Variants in CRADD observed in about 807,000 individuals in gnomAD.
The protein encoded by CRADD is death domain-containing protein CRADD.
In CRADD, 9 loss-of-function variants were observed where a neutral mutation model predicts 15.5. That is an observed-to-expected ratio of 0.58 (90% CI 0.35 to 1.01). CRADD has a LOEUF of 1.01. CRADD is among the 50% of genes least tolerant of loss of function. The pLI, the probability that CRADD is intolerant of heterozygous loss-of-function variation, is 0.02. For missense variants in CRADD, 227 were observed against 250.3 expected, an observed-to-expected ratio of 0.91 and a Z score of 0.63; for synonymous variants, 118 against 107.6, an observed-to-expected ratio of 1.10 and a Z score of -0.60.
At chr12:93,872,423 T>A (rs1165003512) in intron 2 of CRADD, among the ~76,000 whole-genome samples, 3 of 152,206 alleles carry the variant, frequency 2.0e-5, no homozygotes, top group Non-Finnish European at 1.5e-5. Flanking sequence ...GTATCATTTG[T>A]ACCTGTTTAC....
intron 2 of CRADD, among the ~76,000 whole-genome samples, chr12:93,797,114 GA>G (rs1957426984): frequency 6.6e-6 from 1 of 152,202 alleles, no homozygotes. Flanking sequence ...AAAACACTTT[GA>G]TGAGTGCTTG....
At chr12:93,732,921 G>A (rs1056510856) in intron 2 of CRADD, among the ~76,000 whole-genome samples, 3 of 152,190 alleles carry the variant, frequency 2.0e-5, no homozygotes, top group African/African-American at 7.2e-5. Context: ...TGGAAAGAAT[G>A]CACACTGTCT....
chr12:93,732,240 A>G (rs1956479696), intron 2 of CRADD, among the ~76,000 whole-genome samples: 1 of 152,166 alleles, frequency 6.6e-6, no homozygotes, highest in South Asian at 2.1e-4. Flanking sequence ...CCATCAAAGA[A>G]CATTATTTAA....
At chr12:93,819,268 G>T (rs1332555575) in intron 2 of CRADD, among the ~76,000 whole-genome samples, 1 of 152,182 alleles carries the variant, frequency 6.6e-6, no homozygotes, top group African/African-American at 2.4e-5. Flanking sequence ...TCATACACAT[G>T]GTCCAAGCCA....
chr12:93,780,168 G>A (rs1957188169), intron 2 of CRADD, among the ~76,000 whole-genome samples: 1 of 151,536 alleles, frequency 6.6e-6, no homozygotes, highest in Non-Finnish European at 1.5e-5. Context: ...AAAATATGAC[G>A]AAAAACAGAC....
At chr12:93,769,322 G>A (rs140677293) in intron 2 of CRADD, among the ~76,000 whole-genome samples, 2 of 152,192 alleles carry the variant, frequency 1.3e-5, no homozygotes, top group African/African-American at 4.8e-5. Flanking sequence ...GGGCTCAAGT[G>A]ATCCACTCGC....
intron 2 of CRADD, among the ~76,000 whole-genome samples, chr12:93,700,784 TTGCC>T (rs2136834910): frequency 6.6e-6 from 1 of 152,226 alleles, no homozygotes; most frequent in African/African-American, 2.4e-5. Context: ...GATTTTTGTT[TTGCC>T]TGAGTGTCTT....
chr12:93,779,531 TAAAA>T (rs1957177076), intron 2 of CRADD, among the ~76,000 whole-genome samples: 1 of 149,484 alleles, frequency 6.7e-6, no homozygotes, highest in South Asian at 2.1e-4. Context: ...AATAGAGAAA[TAAAA>T]AGAAAGTTTC....
intron 2 of CRADD, among the ~76,000 whole-genome samples, chr12:93,698,991 A>G (rs1046257597): frequency 2.2e-4 from 34 of 152,296 alleles, no homozygotes; most frequent in African/African-American, 7.9e-4. Flanking sequence ...CTGGCCCTTT[A>G]CAGAAAAAGC....
chr12:93,725,949 A>C (rs1008800497), intron 2 of CRADD, among the ~76,000 whole-genome samples: 2 of 152,184 alleles, frequency 1.3e-5, no homozygotes, highest in Admixed American at 6.5e-5. Flanking sequence ...AAGCTAGTAC[A>C]TCGTGGGGCT....
At chr12:93,828,818 AT>A (rs1957856090) in intron 2 of CRADD, among the ~76,000 whole-genome samples, 2 of 152,132 alleles carry the variant, frequency 1.3e-5, no homozygotes, top group African/African-American at 2.4e-5. Flanking sequence ...AGGTCTTCAC[AT>A]TTCTTTATAA....
At chr12:93,757,944 T>C (rs1956909564) in intron 2 of CRADD, among the ~76,000 whole-genome samples, 1 of 152,136 alleles carries the variant, frequency 6.6e-6, no homozygotes, top group Non-Finnish European at 1.5e-5. Context: ...AGGGTGGCAG[T>C]GGTGCAGATA....
intron 2 of CRADD, among the ~76,000 whole-genome samples, chr12:93,752,920 C>A (rs1399050428): frequency 6.6e-6 from 1 of 152,200 alleles, no homozygotes; most frequent in Admixed American, 6.5e-5. Flanking sequence ...TGGTGGCAGA[C>A]AAGAGAAGAG....
chr12:93,876,565 A>C (rs59517730), intron 2 of CRADD, among the ~76,000 whole-genome samples: 2,997 of 152,078 alleles, frequency 0.02, 102 homozygotes, highest in African/African-American at 0.067. Context: ...CTTCAGCCTC[A>C]CCAATTCTTT....
At chr12:93,747,745 C>T (rs565217319) in intron 2 of CRADD, among the ~76,000 whole-genome samples, 99 of 152,278 alleles carry the variant, frequency 6.5e-4, no homozygotes, top group African/African-American at 2.1e-3. Context: ...GGATTACAGG[C>T]GTGAGCCACC....
intron 2 of CRADD, among the ~76,000 whole-genome samples, chr12:93,864,722 A>G (rs1001631509): frequency 1.3e-5 from 2 of 152,214 alleles, no homozygotes; most frequent in South Asian, 4.1e-4. Flanking sequence ...CAGTGAATGA[A>G]GGAAACACAA....
chr12:93,729,110 C>T (rs575310396), intron 2 of CRADD, among the ~76,000 whole-genome samples: 1 of 152,258 alleles, frequency 6.6e-6, no homozygotes, highest in South Asian at 2.1e-4. Flanking sequence ...CAGAAATAGC[C>T]TCACATTAGC....
At chr12:93,770,501 G>T (rs1319005975) in intron 2 of CRADD, among the ~76,000 whole-genome samples, 1 of 152,178 alleles carries the variant, frequency 6.6e-6, no homozygotes, top group African/African-American at 2.4e-5. Context: ...TTAGGGTTAA[G>T]TTTCATTTTA....
intron 2 of CRADD, among the ~76,000 whole-genome samples, chr12:93,769,429 G>A (rs1565906938): frequency 6.6e-6 from 1 of 152,246 alleles, no homozygotes; most frequent in East Asian, 1.9e-4. Flanking sequence ...CCAGTTGCGG[G>A]CTATTATGAA....
Sources: gnomAD v4.1 joint callset for allele counts (sites outside exome capture counted in the v4.1 genomes callset) on GRCh38, gnomAD v4.1.1 for gene constraint, MANE v1.5 for transcripts, NCBI Gene and HGNC (gene_info 2026-07-23, HGNC 2026-07-21) for gene names.